The following CAPN12 variants were observed in gnomAD, a reference collection of about 807,000 sequenced individuals.
CAPN12 encodes the protein calpain-12.
Under a neutral mutation model 95.0 loss-of-function variants are expected in CAPN12, and 107 were observed. The observed-to-expected ratio is 1.13, with a 90% CI of 0.96 to 1.32. The LOEUF is 1.32. Among genes scored for constraint, CAPN12 ranks in the 40% most tolerant of loss-of-function variants. The pLI is 0.00. For synonymous variants in CAPN12, 505 were observed against 415.5 expected, an observed-to-expected ratio of 1.22 and a Z score of -2.62; for missense variants, 1,136 against 997.8, an observed-to-expected ratio of 1.14 and a Z score of -1.87.
At chr19:38,736,036 G>GCCT in intron 12 of CAPN12, 74 bp downstream of exon 12, 2 of 1,004,188 alleles carry the variant, frequency 2.0e-6, no homozygotes, top group Non-Finnish European at 2.7e-6. Flanking sequence ...GGGTCTCGGG[G>GCCT]GTCTCGGGGG....
intron 3 of CAPN12, 187 bp downstream of exon 3, chr19:38,742,223 G>A: frequency 4.7e-6 from 3 of 634,536 alleles, no homozygotes; most frequent in Non-Finnish European, 8.2e-6. Flanking sequence ...CTACTCAGGA[G>A]GCTGAGGCAG....
At position 38,736,295 on chromosome 19, in the gene CAPN12, CGG is replaced by C; in HGVS notation, c.1396_1397del (p.Pro466AlafsTer48). 6.9e-7 allele frequency: 1 copy of C among 1,439,254 alleles called. No individual in the cohort carries two copies. The allele number at this position is 1,439,254 out of a possible 1,614,324, so 89.2% of individuals were successfully genotyped here. A position where few individuals can be genotyped will look rare whatever the true frequency, so the allele number is the denominator to read the frequency against. ...GCCGGGGCAGGAGCGCATGGCTGCG[CGG>C]GGAATCCCAGAGGCCCAGCAGCTGG... is the stretch of plus-strand genomic sequence containing the variant. ...PEELLGLWDS[P>X]RSHALLPRLL... On this transcript the variant is annotated frameshift_variant, in exon 12 of 21. Coordinates refer to ENST00000328867, the MANE Select transcript of CAPN12 (RefSeq NM_144691.4). LOFTEE classifies it high-confidence loss of function.
chr19:38,731,393 G>A (rs1053262682), intron 18 of CAPN12, 170 bp from the exon 19 acceptor site: 2 of 627,972 alleles, frequency 3.2e-6, no homozygotes, highest in Admixed American at 2.4e-5. Context: ...CTCTGGGCCT[G>A]TTTCCTCATC....
chr19:38,731,560 C>T (rs912949996), intron 18 of CAPN12: 8 of 366,794 alleles, frequency 2.2e-5, no homozygotes, highest in Non-Finnish European at 2.6e-5. Flanking sequence ...TATTTCTGTG[C>T]AGCAAAAAAT....
intron 1 of CAPN12, among the ~76,000 whole-genome samples, chr19:38,743,598 T>C (rs7507890): frequency 1.6e-3 from 123 of 75,130 alleles, no homozygotes; most frequent in African/African-American, 3.1e-3. Flanking sequence ...CAGCCCCCTC[T>C]TCCCTCAGAC....
chr19:38,734,519 A>G (rs1303845763), intron 15 of CAPN12, 130 bp from the exon 16 acceptor site: 1 of 794,834 alleles, frequency 1.3e-6, no homozygotes, highest in Non-Finnish European at 2.0e-6. Flanking sequence ...AGGCACAGGG[A>G]GCCAGTGACT....
rs763190100 is a variant in CAPN12 at position 38,734,844 on chromosome 19, G to A, written c.1713C>T (p.Leu571=). The change falls in exon 15 of 21, where the codon CTC becomes CTT. Residue 571 remains leucine, a synonymous_variant. Transcript: ENST00000328867. ...GEEEELNASQ[L]QALLSIALEP... is the part of the protein sequence containing the mutation. ...CCAGGGCAATGCTTAGTAAGGCCTG[G>A]AGCTGAGAGGCATTGAGTTCTTCCT... is the stretch of plus-strand genomic sequence containing the variant. 5 of 1,612,692 alleles carry A rather than the reference G, an allele frequency of 3.1e-6. No homozygotes were observed. The South Asian group carries it at 4.4e-5, about 14-fold the overall frequency.
chr19:38,731,141 G>A lies in CAPN12; in HGVS notation c.2040C>T (p.Phe680=), dbSNP rs139997883. The change falls in exon 19 of 21, where the codon TTC becomes TTT. Residue 680 remains phenylalanine (F), a synonymous_variant. Transcript: ENST00000328867. ...DSRLRVDFER[F]VSCVAHLTCI... ...AGGTGAGGTGGGCCACACAGGACAC[G>A]AACCGCTCGAAGTCCACACGCAGAC... is the stretch of plus-strand genomic sequence containing the variant. The A allele has an allele frequency of 1.1e-3, 1,741 of 1,612,968 alleles. 18 individuals are homozygous for A. In the African/African-American group the frequency reaches 0.019, roughly 18 times the overall value.
intron 15 of CAPN12, 61 bp from the exon 16 acceptor site, chr19:38,734,450 C>CT: frequency 6.9e-7 from 1 of 1,441,162 alleles, no homozygotes; most frequent in Middle Eastern, 1.9e-4. Flanking sequence ...ACTTTAAGGG[C>CT]TGGGTGGATG....
At position 38,735,523 on chromosome 19, in the gene CAPN12, G is replaced by T; in HGVS notation, c.1605C>A (p.Ser535Arg). 1 of 1,610,906 alleles carries T rather than the reference G, an allele frequency of 6.2e-7. No individual in the cohort carries two copies. The highest frequency in any genetic ancestry group is 8.5e-7 in the Non-Finnish European group (1 of 1,179,454). Residue 535 changes from serine to arginine, a missense_variant, in exon 13 of 21, where the codon AGC (serine) becomes AGA (arginine). By Grantham distance (110) the Ser-to-Arg change is moderately radical. Coordinates refer to ENST00000328867, the MANE Select transcript of CAPN12 (RefSeq NM_144691.4). Reference sequence around the variant, plus strand: ...CCACCTGGAGAGACTGCAGGTCTGCGCTGATCACGTCGTCGATCTCCCTGC... The same window carrying T: ...CCACCTGGAGAGACTGCAGGTCTGCTCTGATCACGTCGTCGATCTCCCTGC... Reference protein sequence around the residue: ...HTAVEIDDVISADLQSLQGPY... With the variant: ...HTAVEIDDVIRADLQSLQGPY...
chr19:38,740,939 TGA>T (rs1200284360), intron 4 of CAPN12, among the ~76,000 whole-genome samples: 1 of 152,076 alleles, frequency 6.6e-6, no homozygotes, highest in Non-Finnish European at 1.5e-5. Flanking sequence ...GTTAGAATTC[TGA>T]GAGTCCTGGT....
At chr19:38,743,893 T>G in intron 1 of CAPN12, 36 bp downstream of exon 1, 1 of 1,600,586 alleles carries the variant, frequency 6.2e-7, no homozygotes, top group South Asian at 1.1e-5. Flanking sequence ...CCCTCCTCCC[T>G]CAGACCCCAG....
Position 38,737,148 on chromosome 19 carries a change from G to A in CAPN12, c.1362+8C>T. ...TCCCTCCAGCCTCAGCTTTGCCCAGGACCTCACCTGGAACACGTGGAAGCC... is the reference window on the plus strand; with the variant it reads ...TCCCTCCAGCCTCAGCTTTGCCCAGAACCTCACCTGGAACACGTGGAAGCC... On this transcript the variant is annotated splice_region_variant and intron_variant, in intron 10 of 20. Coordinates refer to ENST00000328867, the MANE Select transcript of CAPN12 (RefSeq NM_144691.4). The A allele has an allele frequency of 6.5e-7, 1 of 1,541,618 alleles. No homozygotes were observed. The highest frequency in any genetic ancestry group is 1.4e-5 in the African/African-American group (1 of 71,902).
At chr19:38,737,119 G>T in intron 10 of CAPN12, 37 bp downstream of exon 10, 1 of 788,768 alleles carries the variant, frequency 1.3e-6, no homozygotes, top group Non-Finnish European at 1.6e-6. Context: ...TCCACCCTCC[G>T]GGTTCCCTCC....
intron 15 of CAPN12, 37 bp downstream of exon 15, chr19:38,734,776 A>G (rs1465568579): frequency 8.8e-6 from 14 of 1,597,322 alleles, no homozygotes; most frequent in Non-Finnish European, 1.2e-5. Context: ...ACCCCTGGCT[A>G]AGACCCCTCC....
intron 8 of CAPN12, 84 bp from the exon 9 acceptor site, chr19:38,737,722 C>A (rs994548602): frequency 7.0e-6 from 10 of 1,427,096 alleles, no homozygotes; most frequent in Non-Finnish European, 9.3e-6. Flanking sequence ...GATCCCAAAG[C>A]CCCTCACATT....
In CAPN12 at chr19:38,742,431, G is replaced by C; in HGVS notation, c.405C>G (p.Tyr135Ter). ...VPPGQDFQHGYAGVFHFQLWQ... is the reference protein window; with the variant it reads ...VPPGQDFQHG ...GTACCTGGAAGTGGAAGACGCCTGC[G>C]TAGCCATGCTGGAAATCCTGTCCAG... The change falls in exon 3 of 21, where the codon TAC (tyrosine) becomes TAG (stop). Residue 135 changes from tyrosine to a stop codon, truncating the protein, a stop_gained. Transcript: ENST00000328867. LOFTEE classifies it high-confidence loss of function. 6.2e-7 allele frequency: 1 copy of C among 1,613,738 alleles called. No individual in the cohort carries two copies. The highest frequency in any genetic ancestry group is 8.5e-7 in the Non-Finnish European group (1 of 1,179,738).
chr19:38,732,870 G>A (rs774712069), intron 18 of CAPN12, among the ~76,000 whole-genome samples: 21 of 152,150 alleles, frequency 1.4e-4, no homozygotes, highest in Non-Finnish European at 2.5e-4. Flanking sequence ...GGGTCACAGT[G>A]CTGTACTGTC....
In CAPN12 at chr19:38,737,434, C is replaced by T. The variant is rs991008234; in HGVS notation, c.1129+41G>A. ...GGGGTTTCCTAGCCGGCCACAGCGC[C>T]CCCCACCCCAGGAAGCCTCTCAGGG... is the stretch of plus-strand genomic sequence containing the variant. On this transcript the variant is annotated intron_variant, in intron 9 of 20. Coordinates refer to ENST00000328867, the MANE Select transcript of CAPN12 (RefSeq NM_144691.4). The T allele has an allele frequency of 2.5e-6, 4 of 1,610,696 alleles. No individual in the cohort carries two copies. In the African/African-American group the frequency reaches 5.3e-5, roughly 22 times the overall value.
Sources: gnomAD v4.1 joint callset for allele counts (sites outside exome capture counted in the v4.1 genomes callset) on GRCh38, gnomAD v4.1.1 for gene constraint, MANE v1.5 for transcripts, NCBI Gene and HGNC (gene_info 2026-07-23, HGNC 2026-07-21) for gene names.